The following MBOAT2 variants were observed in gnomAD, a reference collection of about 807,000 sequenced individuals.
MBOAT2 encodes membrane bound glycerophospholipid O-acyltransferase 2, also known as membrane-bound glycerophospholipid O-acyltransferase 2.
In MBOAT2, 28 loss-of-function variants were observed where a neutral mutation model predicts 63.4. The ratio of observed to expected loss-of-function variants is 0.44; its 90% CI spans 0.33 to 0.61. The LOEUF is 0.61. Among genes scored for constraint, MBOAT2 ranks in the 20% least tolerant of loss-of-function variants. The pLI, the probability that MBOAT2 is intolerant of heterozygous loss-of-function variation, is 0.03. For synonymous variants in MBOAT2, 211 were observed against 215.6 expected (o/e 0.98, Z 0.19); for missense variants, 470 against 605.8 (o/e 0.78, Z 2.35).
intron 4 of MBOAT2, among the ~76,000 whole-genome samples, chr2:8,904,101 G>A (rs1168225115): frequency 2.6e-5 from 4 of 151,426 alleles, no homozygotes; most frequent in Admixed American, 6.6e-5. Flanking sequence ...CTCAGCCTCC[G>A]AAGAAACTGT....
At chr2:8,895,017 G>A (rs2148562702) in intron 4 of MBOAT2, among the ~76,000 whole-genome samples, 1 of 152,366 alleles carries the variant, frequency 6.6e-6, no homozygotes, top group East Asian at 1.9e-4. Flanking sequence ...CTGACTTCAG[G>A]AGTAAAGCTG....
chr2:8,934,650 G>GC (rs1251137771), intron 3 of MBOAT2, among the ~76,000 whole-genome samples: 3 of 152,110 alleles, frequency 2.0e-5, no homozygotes, highest in Non-Finnish European at 4.4e-5. Context: ...TACCAAGAGG[G>GC]CCTGTACCTT....
intron 4 of MBOAT2, among the ~76,000 whole-genome samples, chr2:8,888,406 G>A (rs1018034358): frequency 7.9e-5 from 12 of 152,088 alleles, no homozygotes; most frequent in African/African-American, 2.9e-4. Context: ...TAAGAAGCAC[G>A]CAGGCATGAG....
In MBOAT2 at chr2:8,964,301, T is replaced by G. The variant is rs977250267; in HGVS notation, c.76-5659A>C. Among the ~76,000 whole-genome samples the G allele has an allele frequency of 7.2e-5, 11 of 152,254 alleles. 1 individual carries two copies. The highest frequency in any genetic ancestry group is 2.7e-4 in the African/African-American group (11 of 41,474). ...TTTTAAACTAAAAATGGTGTAAAACTGAGCGTAAGCTTCTGCAATTTTTTT... is the reference window on the plus strand; with the variant it reads ...TTTTAAACTAAAAATGGTGTAAAACGGAGCGTAAGCTTCTGCAATTTTTTT... On this transcript the variant is annotated intron_variant, in intron 1 of 12. Coordinates refer to ENST00000305997, the MANE Select transcript of MBOAT2 (RefSeq NM_138799.4).
In MBOAT2 at chr2:8,908,605, A is replaced by T. The variant is rs148285562; in HGVS notation, c.395+16T>A. 39 of 1,495,850 alleles carry T rather than the reference A, an allele frequency of 2.6e-5. No homozygotes were observed. In the East Asian group the frequency reaches 8.7e-4, roughly 33 times the overall value. The allele number at this position is 1,495,850 out of a possible 1,614,324, so 92.7% of individuals were successfully genotyped here. A position where few individuals can be genotyped will look rare whatever the true frequency, so the allele number is the denominator to read the frequency against. On this transcript the variant is annotated intron_variant, in intron 4 of 12. Coordinates refer to ENST00000305997, the MANE Select transcript of MBOAT2 (RefSeq NM_138799.4). ...AATGGATAAAACAGGCTACTGAATC[A>T]AAGTTTTCATCTTACCCTGAAAAAT...
intron 1 of MBOAT2, among the ~76,000 whole-genome samples, chr2:8,986,207 C>CAAAAA (rs749608343): frequency 2.7e-5 from 2 of 74,356 alleles, no homozygotes; most frequent in East Asian, 3.6e-4. Flanking sequence ...ACAAGGTCAC[C>CAAAAA]AAAAAAAAAA....
At chr2:8,919,344 T>C (rs2148606230) in intron 3 of MBOAT2, among the ~76,000 whole-genome samples, 1 of 152,368 alleles carries the variant, frequency 6.6e-6, no homozygotes, top group East Asian at 1.9e-4. Flanking sequence ...GTAAGCAACG[T>C]ATGAAGATTC....
chr2:8,912,334 A>G (rs1665789143), intron 3 of MBOAT2, among the ~76,000 whole-genome samples: 1 of 110,570 alleles, frequency 9.0e-6, no homozygotes, highest in Admixed American at 1.0e-4. Flanking sequence ...AAAGAAAGAA[A>G]GAAAGAAAGA....
At chr2:8,998,872 T>C (rs1471453018) in intron 1 of MBOAT2, among the ~76,000 whole-genome samples, 7 of 152,154 alleles carry the variant, frequency 4.6e-5, no homozygotes, top group Non-Finnish European at 1.0e-4. Flanking sequence ...AAACCTGACC[T>C]TTTTTATTCA....
chr2:8,866,436 C>T (rs1661904744), intron 9 of MBOAT2, among the ~76,000 whole-genome samples: 1 of 152,116 alleles, frequency 6.6e-6, no homozygotes, highest in African/African-American at 2.4e-5. Flanking sequence ...CATTCAACTT[C>T]AACAATGATC....
intron 1 of MBOAT2, among the ~76,000 whole-genome samples, chr2:9,001,602 A>G (rs754406654): frequency 1.3e-5 from 2 of 152,230 alleles, no homozygotes; most frequent in African/African-American, 2.4e-5. Context: ...GAGTAGTCCC[A>G]AGGTACCAAC....
chr2:8,908,119 G>A (rs1665462276), intron 4 of MBOAT2: 1 of 152,206 alleles, frequency 6.6e-6, no homozygotes, highest in African/African-American at 2.4e-5. Flanking sequence ...ACTTTATAAA[G>A]ATGGAAAGCA....
chr2:8,956,214 C>A (rs138404666), intron 2 of MBOAT2, among the ~76,000 whole-genome samples: 1 of 152,110 alleles, frequency 6.6e-6, no homozygotes, highest in Non-Finnish European at 1.5e-5. Flanking sequence ...ATAGCAGATA[C>A]GATTGCCTTT....
chr2:8,922,161 TATC>T (rs1666617028), intron 3 of MBOAT2, among the ~76,000 whole-genome samples: 1 of 152,232 alleles, frequency 6.6e-6, no homozygotes, highest in African/African-American at 2.4e-5. Flanking sequence ...GTGTAGCACT[TATC>T]ATGAATTTTT....
intron 3 of MBOAT2, among the ~76,000 whole-genome samples, chr2:8,937,559 C>T (rs1667754916): frequency 1.3e-5 from 2 of 152,108 alleles, no homozygotes; most frequent in South Asian, 4.1e-4. Flanking sequence ...ATCATTTGTC[C>T]TAGATTGAGA....
intron 4 of MBOAT2, among the ~76,000 whole-genome samples, chr2:8,905,543 A>T (rs1304914418): frequency 6.6e-6 from 1 of 152,188 alleles, no homozygotes. Context: ...TTCTCAGCAA[A>T]CTATCAGAAG....
intron 1 of MBOAT2, among the ~76,000 whole-genome samples, chr2:8,959,791 T>C (rs1486032195): frequency 6.6e-6 from 1 of 152,110 alleles, no homozygotes; most frequent in Non-Finnish European, 1.5e-5. Flanking sequence ...TTATGAAACA[T>C]ATTCTCATAG....
intron 4 of MBOAT2, among the ~76,000 whole-genome samples, chr2:8,889,042 T>C (rs1663779443): frequency 1.3e-5 from 2 of 152,190 alleles, no homozygotes; most frequent in Non-Finnish European, 2.9e-5. Flanking sequence ...CTGTGCTCTA[T>C]ACACATGCAG....
At chr2:8,872,832 C>T (rs781290340) in intron 8 of MBOAT2, among the ~76,000 whole-genome samples, 1 of 152,176 alleles carries the variant, frequency 6.6e-6, no homozygotes, top group Non-Finnish European at 1.5e-5. Flanking sequence ...TCGTATCTAT[C>T]CTGGCTAGCA....
Sources: allele counts gnomAD v4.1 joint callset (sites outside exome capture counted in the v4.1 genomes callset), GRCh38; gene constraint gnomAD v4.1.1; transcripts MANE v1.5; gene names NCBI Gene and HGNC (gene_info 2026-07-23, HGNC 2026-07-21).